The following DMKN variants were observed in gnomAD, a reference collection of about 807,000 sequenced individuals.
The protein encoded by DMKN is epidermis-specific secreted protein SK30/SK89.
In DMKN, 58 loss-of-function variants were observed where a neutral mutation model predicts 67.6. That is an observed-to-expected ratio of 0.86 (90% CI 0.69 to 1.07). The LOEUF (loss-of-function observed/expected upper bound fraction) is 1.07. Among genes scored for constraint, DMKN ranks in the 50% least tolerant of loss-of-function variants. The probability of loss-of-function intolerance (pLI) is 0.00; values close to 1 mark genes in which losing one functional copy is unlikely to be tolerated. For synonymous variants in DMKN, 240 were observed against 232.3 expected (o/e 1.03, Z -0.30); for missense variants, 596 against 601.5 (o/e 0.99, Z 0.10).
intron 7 of DMKN, chr19:35,507,442 C>G: frequency 6.5e-7 from 1 of 1,550,054 alleles, no homozygotes; most frequent in Non-Finnish European, 8.7e-7. Context: ...CCAACCCTGC[C>G]TGCCCCTAGG....
intron 7 of DMKN, chr19:35,507,661 AGGTCCTTCTCTCGG>A: frequency 1.5e-6 from 1 of 650,764 alleles, no homozygotes; most frequent in Non-Finnish European, 2.7e-6. Flanking sequence ...CCTGAGAAAG[AGGTCCTTCTCTCGG>A]GGAAGTTCCA....
intron 11 of DMKN, 119 bp downstream of exon 11, chr19:35,502,017 G>A (rs2068484659): frequency 1.6e-5 from 25 of 1,583,198 alleles, no homozygotes; most frequent in Non-Finnish European, 2.2e-5. Flanking sequence ...ACTCGGGATT[G>A]CACAAAGCCT....
At chr19:35,507,680 G>T (rs1041317800) in intron 7 of DMKN, 1 of 609,324 alleles carries the variant, frequency 1.6e-6, no homozygotes, top group Non-Finnish European at 2.9e-6. Context: ...TCTCGGGGAA[G>T]TTCCATCTGC....
intron 9 of DMKN, among the ~76,000 whole-genome samples, chr19:35,503,767 C>T (rs929126934): frequency 9.5e-4 from 144 of 152,106 alleles, no homozygotes; most frequent in African/African-American, 3.1e-3. Context: ...TGAGCCACCG[C>T]GCCTGGCCAG....
chr19:35,512,873 G>A, intron 1 of DMKN, 83 bp from the exon 2 acceptor site: 1 of 1,536,268 alleles, frequency 6.5e-7, no homozygotes, highest in South Asian at 1.2e-5. Flanking sequence ...AAAGAGACCA[G>A]GAGAGAGACA....
Position 35,513,076 on chromosome 19 carries a change from C to T in DMKN, c.400G>A (p.Gly134Arg), listed in dbSNP as rs952054570. ...GADAVRGSWQGVPGHNGAWET... is the reference protein window; with the variant it reads ...GADAVRGSWQRVPGHNGAWET... ...CAAGCACCATTGTGGCCAGGCACCCCCTGCCAGGAGCCGCGGACAGCATCT... is the reference window on the plus strand; with the variant it reads ...CAAGCACCATTGTGGCCAGGCACCCTCTGCCAGGAGCCGCGGACAGCATCT... Residue 134 changes from glycine to arginine, a missense_variant, in exon 1 of 16, where the codon GGG becomes AGG. Physicochemically the swap from Gly to Arg is moderately radical, Grantham distance 125. Transcript: ENST00000339686. The T allele has an allele frequency of 1.2e-5, 19 of 1,613,938 alleles. No individual in the cohort carries two copies. The highest frequency in any genetic ancestry group is 1.5e-5 in the Non-Finnish European group (18 of 1,180,034).
chr19:35,504,422 C>G (rs1303932929), intron 9 of DMKN, among the ~76,000 whole-genome samples: 1 of 151,852 alleles, frequency 6.6e-6, no homozygotes, highest in Non-Finnish European at 1.5e-5. Flanking sequence ...ACTAAAAATA[C>G]AAACATTACC....
chr19:35,502,721 G>T, intron 10 of DMKN, 109 bp downstream of exon 10: 1 of 1,102,882 alleles, frequency 9.1e-7, no homozygotes, highest in African/African-American at 1.6e-5. Flanking sequence ...AAAAAGGGGG[G>T]GAGTTTTGAA....
At chr19:35,510,570 A>T in intron 5 of DMKN, 1 of 1,519,602 alleles carries the variant, frequency 6.6e-7, no homozygotes, top group South Asian at 1.2e-5. Context: ...GGGGGCAGCA[A>T]GTGGAAGGGA....
At position 35,512,418 on chromosome 19, in the gene DMKN, T is replaced by C. The variant is rs749142182; in HGVS notation, c.684+3A>G. 1 of 1,614,068 alleles carries C rather than the reference T, an allele frequency of 6.2e-7. No homozygotes were observed. The highest frequency in any genetic ancestry group is 8.5e-7 in the Non-Finnish European group (1 of 1,179,980). ...TCATTTGTTCCCAGCCCCTTCCTCT[T>C]ACCCCTTCATTCTGGTTGCTGGCTC... On this transcript the variant is annotated splice_donor_region_variant and intron_variant, in intron 3 of 15. Coordinates refer to ENST00000339686, the MANE Select transcript of DMKN (RefSeq NM_033317.5).
chr19:35,506,189 G>GGT (rs1351644902), intron 7 of DMKN: 2 of 1,513,106 alleles, frequency 1.3e-6, no homozygotes, highest in African/African-American at 1.4e-5. Flanking sequence ...CTTGCCCCTG[G>GGT]GTGGGGAAAA....
intron 11 of DMKN, chr19:35,501,838 C>G: frequency 6.3e-7 from 1 of 1,577,112 alleles, no homozygotes; most frequent in South Asian, 1.2e-5. Flanking sequence ...CGTGGCTCCC[C>G]TGGGTCCAGG....
chr19:35,499,830 G>T, intron 13 of DMKN, 128 bp downstream of exon 13: 2 of 928,732 alleles, frequency 2.2e-6, no homozygotes, highest in Non-Finnish European at 3.3e-6. Context: ...GGGTGGGGAG[G>T]CCTGGACTCA....
intron 12 of DMKN, chr19:35,500,256 ACTC>A (rs1259690494): frequency 5.8e-6 from 8 of 1,382,074 alleles, no homozygotes; most frequent in East Asian, 2.5e-5. Flanking sequence ...TCCTCCTCCT[ACTC>A]CTCCTCCTGC....
Position 35,511,522 on chromosome 19 carries a change from A to C in DMKN, c.807T>G (p.Ser269Arg). ...SNGDNNNGSS[S>R]GGSSSGSSSG... ...TGCTGCTGCCACTGCTGCTGCCACC[A>C]CTGCTGCTGCCATTGTTGTTGTCAC... The change falls in exon 5 of 16, where the codon AGT (serine) becomes AGG (arginine). Residue 269 changes from serine to arginine, a missense_variant. Ser to Arg is a moderately radical substitution (Grantham distance 110). Transcript: ENST00000339686. 6.6e-7 allele frequency: 1 copy of C among 1,512,312 alleles called. No individual in the cohort carries two copies. The highest frequency in any genetic ancestry group is 8.8e-7 in the Non-Finnish European group (1 of 1,131,200). The allele number at this position is 1,512,312 out of a possible 1,614,324, so 93.7% of individuals were successfully genotyped here. A position where few individuals can be genotyped will look rare whatever the true frequency, so the allele number is the denominator to read the frequency against.
intron 9 of DMKN, among the ~76,000 whole-genome samples, chr19:35,504,510 A>C (rs2069053762): frequency 1.3e-5 from 2 of 150,082 alleles, no homozygotes; most frequent in African/African-American, 4.9e-5. Flanking sequence ...CCCAGGAGGC[A>C]GAGGCTGCAT....
intron 7 of DMKN, 138 bp from the exon 8 acceptor site, chr19:35,506,124 A>C (rs1317891718): frequency 6.3e-7 from 1 of 1,582,470 alleles, no homozygotes; most frequent in Non-Finnish European, 8.6e-7. Flanking sequence ...GCCTCCACTC[A>C]CCACAGTATT....
At chr19:35,505,809 G>GTC (rs1434518594) in intron 8 of DMKN, 44 bp from the exon 9 acceptor site, 1 of 1,614,036 alleles carries the variant, frequency 6.2e-7, no homozygotes, top group Non-Finnish European at 8.5e-7. Flanking sequence ...TGAGTCATAA[G>GTC]GTAATTGGCC....
chr19:35,511,689 G>T (rs2070854176), intron 4 of DMKN, 74 bp downstream of exon 4: 8 of 1,592,570 alleles, frequency 5.0e-6, no homozygotes, highest in Non-Finnish European at 6.9e-6. Context: ...ATTCCATGAT[G>T]CCCAGTCTAA....
Sources: gnomAD v4.1 joint callset for allele counts (sites outside exome capture counted in the v4.1 genomes callset) on GRCh38, gnomAD v4.1.1 for gene constraint, MANE v1.5 for transcripts, NCBI Gene and HGNC (gene_info 2026-07-23, HGNC 2026-07-21) for gene names.